Variants in EPHA6 observed in about 807,000 individuals in gnomAD.
The protein encoded by EPHA6 is ephrin type-A receptor 6.
A neutral mutation model predicts 112.0 loss-of-function variants in EPHA6; 50 were observed. The ratio of observed to expected loss-of-function variants is 0.45; its 90% CI spans 0.36 to 0.56. The LOEUF is 0.56. Among genes scored for constraint, EPHA6 ranks in the 20% least tolerant of loss-of-function variants. EPHA6 has a pLI of 0.00. For synonymous variants in EPHA6, 529 were observed against 490.7 expected (o/e 1.08, Z -1.03); for missense variants, 1,280 against 1,417.4 (o/e 0.90, Z 1.56).
intron 5 of EPHA6, among the ~76,000 whole-genome samples, chr3:97,281,199 CTATGTGTGTG>C (rs1321298198): frequency 1.5e-5 from 1 of 67,974 alleles, no homozygotes; most frequent in African/African-American, 5.8e-5. Context: ...TTCAAAGAGT[CTATGTGTGTG>C]TGTGTGTGTG....
chr3:97,023,701 A>G (rs1395205264), intron 3 of EPHA6, among the ~76,000 whole-genome samples: 3 of 151,730 alleles, frequency 2.0e-5, no homozygotes, highest in African/African-American at 7.3e-5. Flanking sequence ...TTTTAAAACT[A>G]TTTCCTATTT....
Position 97,523,278 on chromosome 3 carries a change from C to T in EPHA6, c.2201-9080C>T, listed in dbSNP as rs1020575550. ...TTTTAACTTTCATTTTTAATTCCTT[C>T]CTTGATCCATTAGTTGTACAGGAGT... On this transcript the variant is annotated intron_variant, in intron 10 of 17. Transcript: ENST00000389672. Among the ~76,000 whole-genome samples, 9 of 152,224 alleles carry T rather than the reference C, an allele frequency of 5.9e-5. No homozygotes were observed. In the East Asian group the frequency reaches 9.6e-4, roughly 16 times the overall value.
chr3:97,519,769 T>C (rs1212611047), intron 10 of EPHA6, among the ~76,000 whole-genome samples: 4 of 152,152 alleles, frequency 2.6e-5, no homozygotes, highest in Non-Finnish European at 5.9e-5. Context: ...CTTGTTGATT[T>C]TTTTTCAGGT....
intron 9 of EPHA6, chr3:97,481,645 GC>G: frequency 2.3e-6 from 1 of 429,314 alleles, no homozygotes. Flanking sequence ...GCTTGGAGAC[GC>G]CCCGCCCCCT....
intron 5 of EPHA6, among the ~76,000 whole-genome samples, chr3:97,404,453 A>G (rs1162443898): frequency 1.3e-5 from 2 of 152,164 alleles, no homozygotes; most frequent in Non-Finnish European, 2.9e-5. Context: ...TAGAATACTT[A>G]AAAAGTATTT....
At chr3:97,524,264 C>A (rs1479529129) in intron 10 of EPHA6, among the ~76,000 whole-genome samples, 1 of 151,808 alleles carries the variant, frequency 6.6e-6, no homozygotes, top group African/African-American at 2.4e-5. Flanking sequence ...AGAGGTTTTT[C>A]ATTATAGTTA....
intron 14 of EPHA6, among the ~76,000 whole-genome samples, chr3:97,714,193 A>C (rs1226001656): frequency 6.6e-6 from 1 of 152,234 alleles, no homozygotes; most frequent in African/African-American, 2.4e-5. Context: ...GTCCAAAAAA[A>C]GACAAACTTT....
At chr3:97,627,268 G>A (rs1269336148) in intron 13 of EPHA6, among the ~76,000 whole-genome samples, 1 of 151,858 alleles carries the variant, frequency 6.6e-6, no homozygotes, top group Non-Finnish European at 1.5e-5. Context: ...AAAAAATTTA[G>A]TGGGTAGAGA....
intron 3 of EPHA6, among the ~76,000 whole-genome samples, chr3:96,990,208 G>A (rs2043164900): frequency 6.6e-6 from 1 of 152,028 alleles, no homozygotes; most frequent in South Asian, 2.1e-4. Context: ...AACCAACCGT[G>A]ATGTCTAGAT....
intron 11 of EPHA6, among the ~76,000 whole-genome samples, chr3:97,546,384 A>G (rs1377625686): frequency 6.6e-6 from 1 of 152,232 alleles, no homozygotes; most frequent in African/African-American, 2.4e-5. Flanking sequence ...AGAATGTTGA[A>G]TATTGGTCCC....
intron 14 of EPHA6, among the ~76,000 whole-genome samples, chr3:97,652,653 A>G (rs2107611810): frequency 6.6e-6 from 1 of 152,124 alleles, no homozygotes; most frequent in East Asian, 1.9e-4. Flanking sequence ...TTGGGAGGAC[A>G]TAATGCTTGG....
intron 1 of EPHA6, among the ~76,000 whole-genome samples, chr3:96,858,158 G>T (rs143806535): frequency 6.6e-6 from 1 of 152,170 alleles, no homozygotes; most frequent in East Asian, 1.9e-4. Context: ...TGAAGAAGAG[G>T]CAATCATGAC....
At chr3:97,332,117 A>C (rs2082830857) in intron 5 of EPHA6, among the ~76,000 whole-genome samples, 1 of 152,150 alleles carries the variant, frequency 6.6e-6, no homozygotes, top group African/African-American at 2.4e-5. Flanking sequence ...ACAAATCAAT[A>C]AACGTAATCC....
intron 11 of EPHA6, among the ~76,000 whole-genome samples, chr3:97,572,440 G>A (rs1684640): frequency 5.3e-5 from 8 of 152,060 alleles, no homozygotes; most frequent in Non-Finnish European, 1.0e-4. Context: ...GTGAGACACC[G>A]CGCCTGGCAA....
At chr3:97,062,444 C>T (rs1349541084) in intron 3 of EPHA6, among the ~76,000 whole-genome samples, 2 of 152,106 alleles carry the variant, frequency 1.3e-5, no homozygotes, top group Non-Finnish European at 2.9e-5. Flanking sequence ...TGACCAAGGT[C>T]TAACACCCAG....
chr3:97,502,723 A>G (rs903187194), intron 10 of EPHA6, among the ~76,000 whole-genome samples: 1 of 148,020 alleles, frequency 6.8e-6, no homozygotes, highest in African/African-American at 2.5e-5. Context: ...AGTCCCAGCC[A>G]CTTGGGAGGC....
chr3:96,861,794 C>G (rs1322354131), intron 1 of EPHA6, among the ~76,000 whole-genome samples: 2 of 151,932 alleles, frequency 1.3e-5, no homozygotes, highest in East Asian at 3.9e-4. Flanking sequence ...TAATTGATCT[C>G]AGGTTCTAGA....
chr3:97,187,557 T>A (rs1336135686), intron 3 of EPHA6, among the ~76,000 whole-genome samples: 1 of 132,348 alleles, frequency 7.6e-6, no homozygotes, highest in Non-Finnish European at 1.5e-5. Flanking sequence ...TGTGACTGAC[T>A]GAGCGAGACT....
intron 3 of EPHA6, among the ~76,000 whole-genome samples, chr3:97,106,144 G>A (rs936163128): frequency 6.6e-6 from 1 of 151,994 alleles, no homozygotes; most frequent in African/African-American, 2.4e-5. Context: ...CAATAGATAT[G>A]GAAATGCTTA....
Sources: gnomAD v4.1 joint callset for allele counts (sites outside exome capture counted in the v4.1 genomes callset) on GRCh38, gnomAD v4.1.1 for gene constraint, MANE v1.5 for transcripts, NCBI Gene and HGNC (gene_info 2026-07-23, HGNC 2026-07-21) for gene names.